RHOU: variants seen among roughly 807,000 people sequenced by gnomAD.
RHOU encodes rho-related GTP-binding protein RhoU.
Under a neutral mutation model 12.6 loss-of-function variants are expected in RHOU, and 8 were observed. The observed-to-expected ratio is 0.64, with a 90% CI of 0.37 to 1.15. The LOEUF (loss-of-function observed/expected upper bound fraction) is 1.15, where lower values mean the gene tolerates loss of function less well. RHOU is among the 50% of genes most tolerant of loss of function. The pLI is 0.01. For missense variants in RHOU, 258 were observed against 347.0 expected, an observed-to-expected ratio of 0.74 and a Z score of 2.04; for synonymous variants, 161 against 147.4, an observed-to-expected ratio of 1.09 and a Z score of -0.67.
chr1:228,655,355 G>A, the RHOU span, among the ~76,000 whole-genome samples: 1 of 152,014 alleles, frequency 6.6e-6, no homozygotes, highest in Admixed American at 6.6e-5. Context: ...ACCCACCTAG[G>A]CCTCCCAAAG....
the RHOU span, among the ~76,000 whole-genome samples, chr1:228,657,043 A>C: frequency 6.6e-6 from 1 of 152,148 alleles, no homozygotes; most frequent in Non-Finnish European, 1.5e-5. Flanking sequence ...TGGGAAGCCG[A>C]GGCAGGTGGA....
the RHOU span, among the ~76,000 whole-genome samples, chr1:228,674,730 T>A: frequency 5.5e-3 from 829 of 150,824 alleles, 5 homozygotes; most frequent in African/African-American, 0.019. Context: ...TTCTTTTTTT[T>A]AAATTTTTTT....
At chr1:228,672,327 G>T in the RHOU span, among the ~76,000 whole-genome samples, 1 of 152,122 alleles carries the variant, frequency 6.6e-6, no homozygotes, top group East Asian at 1.9e-4. Context: ...AGACACAGCT[G>T]ATTTTTTGTA....
the RHOU span, among the ~76,000 whole-genome samples, chr1:228,659,449 G>A: frequency 1.3e-5 from 2 of 151,144 alleles, no homozygotes; most frequent in African/African-American, 2.4e-5. Context: ...TACAATTTAG[G>A]CAACTAGAAA....
At chr1:228,694,528 A>G in the RHOU span, among the ~76,000 whole-genome samples, 1 of 152,032 alleles carries the variant, frequency 6.6e-6, no homozygotes, top group East Asian at 1.9e-4. Flanking sequence ...ACAGGAGTCC[A>G]TGTGTTCTCA....
At chr1:228,655,619 A>G in the RHOU span, among the ~76,000 whole-genome samples, 4 of 152,198 alleles carry the variant, frequency 2.6e-5, no homozygotes, top group Admixed American at 2.6e-4. Flanking sequence ...AATGTGGCAA[A>G]AAAGGGTTTT....
At chr1:228,713,526 C>A in the RHOU span, among the ~76,000 whole-genome samples, 1 of 152,084 alleles carries the variant, frequency 6.6e-6, no homozygotes, top group Non-Finnish European at 1.5e-5. Context: ...GATAGGGGTT[C>A]TCACTATGTT....
At chr1:228,662,425 C>G in the RHOU span, among the ~76,000 whole-genome samples, 9 of 152,296 alleles carry the variant, frequency 5.9e-5, no homozygotes, top group South Asian at 1.9e-3. Context: ...AGACTTGGAA[C>G]CAACCCAAAT....
the RHOU span, among the ~76,000 whole-genome samples, chr1:228,696,353 G>A: frequency 6.6e-6 from 1 of 150,576 alleles, no homozygotes; most frequent in Admixed American, 6.7e-5. Flanking sequence ...TAAATCTTGA[G>A]GGTTTTTTTT....
At chr1:228,727,180 C>T in the RHOU span, among the ~76,000 whole-genome samples, 1 of 152,226 alleles carries the variant, frequency 6.6e-6, no homozygotes, top group Non-Finnish European at 1.5e-5. Context: ...CACCTCTGCT[C>T]TTCTAAAATC....
the RHOU span, among the ~76,000 whole-genome samples, chr1:228,697,218 A>C: frequency 2.0e-5 from 3 of 152,232 alleles, no homozygotes; most frequent in East Asian, 5.8e-4. Flanking sequence ...GAGATGTGTC[A>C]AAACTTTCAT....
chr1:228,733,596 C>T (rs559366622), upstream of RHOU, among the ~76,000 whole-genome samples: 16 of 152,314 alleles, frequency 1.1e-4, no homozygotes, highest in South Asian at 2.9e-3. Context: ...CGTGAGCCAC[C>T]GCACCAGCCG....
At chr1:228,696,994 G>A in the RHOU span, among the ~76,000 whole-genome samples, 1 of 152,096 alleles carries the variant, frequency 6.6e-6, no homozygotes, top group African/African-American at 2.4e-5. Flanking sequence ...TTTGAATTCC[G>A]AGGTCTACAT....
the RHOU span, among the ~76,000 whole-genome samples, chr1:228,723,109 T>C: frequency 1.3e-5 from 2 of 152,232 alleles, no homozygotes; most frequent in Admixed American, 1.3e-4. Flanking sequence ...AGTTAGATGA[T>C]GCTACTACTC....
the RHOU span, among the ~76,000 whole-genome samples, chr1:228,710,271 C>G: frequency 6.6e-6 from 1 of 152,130 alleles, no homozygotes; most frequent in Non-Finnish European, 1.5e-5. Flanking sequence ...AACTATTCCA[C>G]TCAATAGAAA....
At chr1:228,691,625 A>T in the RHOU span, among the ~76,000 whole-genome samples, 1 of 152,334 alleles carries the variant, frequency 6.6e-6, no homozygotes, top group East Asian at 1.9e-4. Context: ...GATGTACCAC[A>T]GTTTACTTAT....
At chr1:228,734,873 A>C (rs1355714517), upstream of RHOU, among the ~76,000 whole-genome samples, 1 of 152,236 alleles carries the variant, frequency 6.6e-6, no homozygotes, top group Non-Finnish European at 1.5e-5. Flanking sequence ...ATACATGTAT[A>C]AAGGTTCACG....
the RHOU span, among the ~76,000 whole-genome samples, chr1:228,727,976 G>T: frequency 6.6e-6 from 1 of 152,142 alleles, no homozygotes; most frequent in East Asian, 1.9e-4. Flanking sequence ...AGTTGGAAAT[G>T]AATCAGTTTC....
upstream of RHOU, among the ~76,000 whole-genome samples, chr1:228,734,195 T>G (rs998156486): frequency 2.6e-5 from 4 of 152,176 alleles, no homozygotes; most frequent in Non-Finnish European, 5.9e-5. Context: ...AAATACTTTT[T>G]TTTTTTTCAA....
Sources: allele counts gnomAD v4.1 joint callset (sites outside exome capture counted in the v4.1 genomes callset), GRCh38; gene constraint gnomAD v4.1.1; transcripts MANE v1.5; gene names NCBI Gene and HGNC (gene_info 2026-07-23, HGNC 2026-07-21).